Variants in NEMF observed in about 807,000 individuals in gnomAD.
NEMF encodes nuclear export mediator factor.
Under a neutral mutation model 162.2 loss-of-function variants are expected in NEMF, and 89 were observed. That is an observed-to-expected ratio of 0.55 (90% CI 0.46 to 0.65). The LOEUF (loss-of-function observed/expected upper bound fraction) is 0.65, where lower values mean the gene tolerates loss of function less well. Among genes scored for constraint, NEMF ranks in the 30% least tolerant of loss-of-function variants. The probability of loss-of-function intolerance (pLI) is 0.00; values close to 1 mark genes in which losing one functional copy is unlikely to be tolerated. For synonymous variants in NEMF, 421 were observed against 404.5 expected, an observed-to-expected ratio of 1.04 and a Z score of -0.49; for missense variants, 1,133 against 1,261.9, an observed-to-expected ratio of 0.90 and a Z score of 1.55.
rs1027934312 is a variant in NEMF at position 49,783,652 on chromosome 14, A to G, written c.*984T>C. On this transcript the variant is annotated 3_prime_UTR_variant, in exon 33 of 33. Transcript: ENST00000298310. The stretch of plus-strand genomic sequence containing the variant: ...TTAGAGTCTTTAGTGGTAAGCCTAA[A>G]ATGCGCTTCTGGTATTATAGGTTAA... The G allele has an allele frequency of 1.3e-5, 2 of 152,150 alleles. No homozygotes were observed. Among genetic ancestry groups the G allele is most frequent in the African/African-American group, 4.8e-5 (2 of 41,432 alleles). The allele number at this position is 152,150 out of a possible 1,614,324, so 9.4% of individuals were successfully genotyped here.
chr14:49,825,639 G>A (rs1374811147), intron 16 of NEMF, among the ~76,000 whole-genome samples: 1 of 152,184 alleles, frequency 6.6e-6, no homozygotes, highest in Admixed American at 6.5e-5. Flanking sequence ...GGGAGGCTGA[G>A]GTGGGAGAAC....
At chr14:49,815,367 C>T (rs568973500) in intron 16 of NEMF, among the ~76,000 whole-genome samples, 2 of 152,172 alleles carry the variant, frequency 1.3e-5, no homozygotes, top group South Asian at 4.1e-4. Flanking sequence ...GACAAAATAA[C>T]TTGGGTTTTC....
chr14:49,851,344 CTG>C (rs1370701631), intron 3 of NEMF, among the ~76,000 whole-genome samples: 6 of 152,182 alleles, frequency 3.9e-5, no homozygotes, highest in Non-Finnish European at 8.8e-5. Flanking sequence ...CTAATAGTGA[CTG>C]TGGAAACAGA....
chr14:49,811,241 C>A (rs1891465055), intron 18 of NEMF, among the ~76,000 whole-genome samples: 1 of 151,974 alleles, frequency 6.6e-6, no homozygotes, highest in African/African-American at 2.4e-5. Flanking sequence ...TATTAATTTC[C>A]TTTTCAGATT....
chr14:49,842,154 C>A (rs72680035), intron 4 of NEMF, among the ~76,000 whole-genome samples: 10 of 119,776 alleles, frequency 8.3e-5, no homozygotes, highest in South Asian at 8.1e-4. Context: ...AAAAAAAAAA[C>A]CCCAAACAGC....
At chr14:49,792,416 T>C (rs945023846) in intron 26 of NEMF, among the ~76,000 whole-genome samples, 1 of 152,182 alleles carries the variant, frequency 6.6e-6, no homozygotes, top group Non-Finnish European at 1.5e-5. Context: ...TTCACCATGT[T>C]AGCCAGGCAG....
Position 49,790,588 on chromosome 14 carries a change from C to G in NEMF, c.2620-1015G>C, listed in dbSNP as rs117432105. On this transcript the variant is annotated intron_variant, in intron 26 of 32. Transcript: ENST00000298310. Reference sequence around the variant, plus strand: ...CTGGTGGGAAATTGATACAGGTGCTCTGGAAAACTGATTGACAGGATCTAA... The same window carrying G: ...CTGGTGGGAAATTGATACAGGTGCTGTGGAAAACTGATTGACAGGATCTAA... Among the ~76,000 whole-genome samples the G allele has an allele frequency of 5.9e-5, 9 of 152,240 alleles. No homozygotes were observed. The East Asian group carries it at 1.7e-3, about 29-fold the overall frequency.
chr14:49,829,060 A>G lies in NEMF; in HGVS notation c.1226T>C (p.Leu409Pro), dbSNP rs1302199957. 2 of 1,613,630 alleles carry G rather than the reference A, an allele frequency of 1.2e-6. No homozygotes were observed. Among genetic ancestry groups the G allele is most frequent in the Non-Finnish European group, 8.5e-7 (1 of 1,179,536 alleles). The change falls in exon 13 of 33, where the codon CTG (leucine) becomes CCG (proline). Residue 409 changes from leucine to proline, a missense_variant. Physicochemically the swap from Leu to Pro is moderately conservative, Grantham distance 98. This residue lies in a region of NEMF where 582 missense variants were observed against 631.5 expected (regional missense o/e 0.92). Transcript: ENST00000298310. ...GACTAAGAGTCAAACTTACCTTAGC[A>G]GCATTGTAACATGGTTTGTTTGTAG... ...LKLQTNHVTM[L>P]LRNPYLLSEE...
intron 3 of NEMF, chr14:49,849,722 G>C (rs1268273425): frequency 1.3e-5 from 2 of 152,090 alleles, no homozygotes; most frequent in Non-Finnish European, 2.9e-5. Context: ...AATTGTATTT[G>C]TTCTTCACAG....
At chr14:49,842,221 G>A (rs373890914) in intron 4 of NEMF, among the ~76,000 whole-genome samples, 2 of 15,506 alleles carry the variant, frequency 1.3e-4, no homozygotes, top group African/African-American at 1.4e-4. Flanking sequence ...CAAAATAGTA[G>A]AAAGAGGTTA....
Position 49,833,427 on chromosome 14 carries a change from C to G in NEMF, c.731G>C (p.Gly244Ala). 1 of 1,577,704 alleles carries G rather than the reference C, an allele frequency of 6.3e-7. No individual in the cohort carries two copies. Among genetic ancestry groups the G allele is most frequent in the East Asian group, 2.2e-5 (1 of 44,536 alleles). ...AGTAAGTATACATGGTGCTACCTTC[C>G]CACTGAAGTTGGATGTTGTTTTCAT... ...DYMKTTSNFS[G>A]KGYIIQKREI... Residue 244 changes from glycine to alanine, a missense_variant, in exon 8 of 33, where the codon GGG (glycine) becomes GCG (alanine). Gly to Ala is a moderately conservative substitution (Grantham distance 60). Around this residue, in one of 3 missense-constraint regions of NEMF, gnomAD observed 582 missense variants for 631.5 expected, o/e 0.92. Transcript: ENST00000298310.
intron 20 of NEMF, 60 bp downstream of exon 20, chr14:49,803,177 C>A: frequency 8.3e-7 from 1 of 1,210,884 alleles, no homozygotes; most frequent in East Asian, 2.3e-5. Context: ...TAAACTGTCT[C>A]AAACCTGTCT....
intron 25 of NEMF, among the ~76,000 whole-genome samples, chr14:49,798,534 G>A (rs139052541): frequency 1.5e-3 from 229 of 152,308 alleles, no homozygotes; most frequent in African/African-American, 5.3e-3. Context: ...CTTAACTCTT[G>A]TTTATATCAA....
At chr14:49,826,126 T>C (rs907623508) in intron 15 of NEMF, among the ~76,000 whole-genome samples, 171 bp from the exon 16 acceptor site, 3 of 151,834 alleles carry the variant, frequency 2.0e-5, no homozygotes, top group Non-Finnish European at 4.4e-5. Context: ...AATGAAGAAA[T>C]GAAAATATTT....
chr14:49,806,252 ATATATTTTTTTTTTT>A (rs1312567105), intron 18 of NEMF, 119 bp from the exon 19 acceptor site: 6 of 16,744 alleles, frequency 3.6e-4, no homozygotes, highest in Non-Finnish European at 7.1e-4. Flanking sequence ...ATATATATAT[ATATATTTTTTTTTTT>A]TTTTTTTTTT....
At chr14:49,850,924 C>T (rs1012622905) in intron 3 of NEMF, among the ~76,000 whole-genome samples, 4 of 152,184 alleles carry the variant, frequency 2.6e-5, no homozygotes, top group African/African-American at 9.7e-5. Context: ...TAATGTTGGG[C>T]CAGGCGCGGT....
chr14:49,784,758 A>T (rs771489957), intron 32 of NEMF, 45 bp from the exon 33 acceptor site: 2 of 1,524,456 alleles, frequency 1.3e-6, no homozygotes, highest in Admixed American at 3.6e-5. Flanking sequence ...CTGTATGGTC[A>T]ATCATGTTTC....
chr14:49,817,481 A>G (rs1413917266), intron 16 of NEMF, among the ~76,000 whole-genome samples: 1 of 152,120 alleles, frequency 6.6e-6, no homozygotes, highest in Non-Finnish European at 1.5e-5. Flanking sequence ...ATACCATGTA[A>G]ACACTAACCA....
chr14:49,803,595 G>C (rs933577874), intron 19 of NEMF, among the ~76,000 whole-genome samples: 1 of 150,194 alleles, frequency 6.7e-6, no homozygotes, highest in Non-Finnish European at 1.5e-5. Flanking sequence ...GCACAATCTC[G>C]GCTCACTGTA....
Sources: gnomAD v4.1 joint callset for allele counts (sites outside exome capture counted in the v4.1 genomes callset) on GRCh38, gnomAD v4.1.1 for gene constraint, gnomAD v4.1.1 regional missense constraint, MANE v1.5 for transcripts, NCBI Gene and HGNC (gene_info 2026-07-23, HGNC 2026-07-21) for gene names.